ALPK1: variants seen among roughly 807,000 people sequenced by gnomAD.
ALPK1 encodes alpha kinase 1.
Under a neutral mutation model 120.6 loss-of-function variants are expected in ALPK1, and 110 were observed. The ratio of observed to expected loss-of-function variants is 0.91; its 90% CI spans 0.78 to 1.07. The LOEUF (loss-of-function observed/expected upper bound fraction) is 1.07. Ranked by LOEUF, ALPK1 falls within the 50% of genes least tolerant of loss-of-function variation. The pLI is 0.00. For synonymous variants in ALPK1, 582 were observed against 560.3 expected (o/e 1.04, Z -0.55); for missense variants, 1,498 against 1,483.9 (o/e 1.01, Z -0.16).
intron 2 of ALPK1, among the ~76,000 whole-genome samples, chr4:112,369,608 G>C (rs1211859934): frequency 6.6e-6 from 1 of 152,136 alleles, no homozygotes; most frequent in Non-Finnish European, 1.5e-5. Context: ...CTTGAACCCA[G>C]GAGGCAGAGG....
At chr4:112,391,970 G>GA (rs10710586) in intron 4 of ALPK1, among the ~76,000 whole-genome samples, 52,499 of 150,368 alleles carry the variant, frequency 0.35, 9,215 homozygotes, top group East Asian at 0.53. Flanking sequence ...CAGTCCACAG[G>GA]AAAAAAAAAC....
At chr4:112,336,479 G>A (rs1474424447) in intron 2 of ALPK1, among the ~76,000 whole-genome samples, 1 of 152,184 alleles carries the variant, frequency 6.6e-6, no homozygotes, top group African/African-American at 2.4e-5. Flanking sequence ...TGTAAATAGA[G>A]ATGACCAAAA....
chr4:112,402,584 T>C (rs1481209293), intron 4 of ALPK1, among the ~76,000 whole-genome samples: 1 of 152,176 alleles, frequency 6.6e-6, no homozygotes, highest in Non-Finnish European at 1.5e-5. Context: ...TTATTTCCCA[T>C]CCTGAAAACA....
intron 4 of ALPK1, chr4:112,383,455 A>C (rs1250520834): frequency 6.6e-6 from 1 of 152,166 alleles, no homozygotes; most frequent in Non-Finnish European, 1.5e-5. Flanking sequence ...AATCTAAGAA[A>C]GACCCCCTGA....
chr4:112,404,628 T>A (rs1479274099), intron 4 of ALPK1, among the ~76,000 whole-genome samples: 2 of 152,248 alleles, frequency 1.3e-5, no homozygotes, highest in African/African-American at 4.8e-5. Context: ...TACCTAATTT[T>A]TACCTTCTTG....
chr4:112,349,252 T>C (rs2148709892), intron 2 of ALPK1, among the ~76,000 whole-genome samples: 1 of 152,292 alleles, frequency 6.6e-6, no homozygotes, highest in Admixed American at 6.5e-5. Flanking sequence ...ATTACGTGAC[T>C]TTATACTGGA....
rs150781027 is a variant in ALPK1, at chr4:112,365,214, C to A, written c.-100-12464C>A. Reference sequence around the variant, plus strand: ...TGGAAGTCCTAGCCAGAGCAGTCAGCCAAGAGAAAGAAATAAAGGGCATCC... The same window carrying A: ...TGGAAGTCCTAGCCAGAGCAGTCAGACAAGAGAAAGAAATAAAGGGCATCC... On this transcript the variant is annotated intron_variant, in intron 2 of 15. Transcript: ENST00000650871. Among the ~76,000 whole-genome samples, 18 of 152,020 alleles carry A rather than the reference C, an allele frequency of 1.2e-4. No individual in the cohort carries two copies. In the East Asian group the frequency reaches 2.9e-3, roughly 25 times the overall value.
chr4:112,425,320 C>A, intron 6 of ALPK1: 1 of 182,044 alleles, frequency 5.5e-6, no homozygotes, highest in South Asian at 1.2e-4. Context: ...AGGCTGAGAC[C>A]TGAAGGAGAA....
At chr4:112,373,040 T>C (rs533907124) in intron 2 of ALPK1, among the ~76,000 whole-genome samples, 1 of 152,374 alleles carries the variant, frequency 6.6e-6, no homozygotes, top group Non-Finnish European at 1.5e-5. Flanking sequence ...CCCTTCTTGC[T>C]TTAATTTTGG....
At chr4:112,298,570 C>T (rs749457707) in intron 1 of ALPK1, among the ~76,000 whole-genome samples, 14 of 152,096 alleles carry the variant, frequency 9.2e-5, no homozygotes, top group East Asian at 1.9e-4. Context: ...AAATTTCTTC[C>T]GCCAAGAAGA....
chr4:112,376,995 C>T (rs1731693249), intron 2 of ALPK1, among the ~76,000 whole-genome samples: 1 of 152,148 alleles, frequency 6.6e-6, no homozygotes, highest in African/African-American at 2.4e-5. Flanking sequence ...ACCTTGACGG[C>T]AGTAGCTCAT....
intron 5 of ALPK1, chr4:112,414,836 C>T (rs1398785242): frequency 6.5e-6 from 1 of 153,558 alleles, no homozygotes; most frequent in East Asian, 1.9e-4. Flanking sequence ...AAAATCACAG[C>T]AATAGACTAC....
rs751019883 is a variant in ALPK1, at chr4:112,431,609, G to A, written c.2062G>A (p.Ala688Thr). The A allele has an allele frequency of 1.2e-6, 2 of 1,614,084 alleles. No homozygotes were observed. Among genetic ancestry groups the A allele is most frequent in the Non-Finnish European group, 1.7e-6 (2 of 1,180,034 alleles). ...CCCAGGCATTTTCTTGGCCCCTGGT[G>A]CAGGGCTTCTAGAAGGAGCTCCAGA... ...NTPGIFLAPG[A>T]GLLEGAPEGI... Residue 688 changes from alanine (A) to threonine (T), a missense_variant, in exon 11 of 16, where the codon GCA becomes ACA. Coordinates refer to ENST00000650871, the MANE Select transcript of ALPK1 (RefSeq NM_025144.4).
intron 2 of ALPK1, chr4:112,352,560 G>C (rs1730407979): frequency 6.6e-6 from 1 of 152,132 alleles, no homozygotes; most frequent in South Asian, 2.1e-4. Context: ...TAGGTTACTT[G>C]TAATACCTAA....
chr4:112,423,642 G>T (rs1335448518), intron 5 of ALPK1: 1 of 505,174 alleles, frequency 2.0e-6, no homozygotes, highest in Non-Finnish European at 3.8e-6. Context: ...GGCACAGCCT[G>T]TTAGAAAAGT....
At position 112,432,235 on chromosome 4, in the gene ALPK1, C is replaced by A. The variant is rs1215518779; in HGVS notation, c.2688C>A (p.Ile896=). Reference sequence around the variant, plus strand: ...CCAATTCCTCTGTAAGCGGTAACATCCTCTTCCCTGTCCTCAGCGAGGACT... The same window carrying A: ...CCAATTCCTCTGTAAGCGGTAACATACTCTTCCCTGTCCTCAGCGAGGACT... ...ETPNSSVSGN[I]LFPVLSEDCT... is the part of the protein sequence containing the mutation. Residue 896 remains isoleucine, a synonymous_variant, in exon 11 of 16, where the codon ATC becomes ATA. Coordinates refer to ENST00000650871, the MANE Select transcript of ALPK1 (RefSeq NM_025144.4). The A allele has an allele frequency of 2.5e-6, 4 of 1,614,098 alleles. No homozygotes were observed. The African/African-American group carries it at 4.0e-5, about 16-fold the overall frequency.
intron 1 of ALPK1, among the ~76,000 whole-genome samples, chr4:112,305,822 G>C (rs982580666): frequency 2.0e-5 from 3 of 152,056 alleles, no homozygotes; most frequent in African/African-American, 4.8e-5. Flanking sequence ...TCCCTGTCTT[G>C]TGCCAGTTTT....
In ALPK1 at chr4:112,438,625, C is replaced by T; in HGVS notation, c.3330C>T (p.Tyr1110=). ...AAAACATTCCCACCCAGATATTCTA[C>T]ATCCCATCCACAATACTACTGGTAA... ...YEQNIPTQIF[Y]IPSTILLILE... is the part of the protein sequence containing the mutation. The change falls in exon 13 of 16, where the codon TAC becomes TAT. Residue 1110 remains tyrosine, a synonymous_variant. Transcript: ENST00000650871. The T allele has an allele frequency of 6.2e-7, 1 of 1,613,612 alleles. No individual in the cohort carries two copies. The highest frequency in any genetic ancestry group is 2.2e-5 in the East Asian group (1 of 44,868).
intron 2 of ALPK1, among the ~76,000 whole-genome samples, chr4:112,326,097 T>C (rs1729104206): frequency 6.6e-6 from 1 of 152,220 alleles, no homozygotes; most frequent in South Asian, 2.1e-4. Context: ...ATCATCCCTT[T>C]ATCTTTGAAA....
Sources: allele counts gnomAD v4.1 joint callset (sites outside exome capture counted in the v4.1 genomes callset), GRCh38; gene constraint gnomAD v4.1.1; transcripts MANE v1.5; gene names NCBI Gene and HGNC (gene_info 2026-07-23, HGNC 2026-07-21).